Variants in HECTD3 observed in about 807,000 individuals in gnomAD.
HECTD3 encodes E3 ubiquitin-protein ligase HECTD3.
A neutral mutation model predicts 109.3 loss-of-function variants in HECTD3; 72 were observed. The ratio of observed to expected loss-of-function variants is 0.66; its 90% CI spans 0.54 to 0.80. The LOEUF is 0.80. Among genes scored for constraint, HECTD3 ranks in the 30% least tolerant of loss-of-function variants. HECTD3 has a pLI of 0.00. For missense variants in HECTD3, 1,041 were observed against 1,165.2 expected (o/e 0.89, Z 1.55); for synonymous variants, 481 against 471.8 (o/e 1.02, Z -0.25).
At chr1:45,005,066 GGA>G in intron 15 of HECTD3, 1 of 557,046 alleles carries the variant, frequency 1.8e-6, no homozygotes, top group Admixed American at 3.1e-5. Context: ...AGGGAAGTTA[GGA>G]GAGAGAACAT....
Position 45,006,827 on chromosome 1 carries a change from CAA to C in HECTD3, c.1622-34_1622-33del. 2 of 1,596,234 alleles carry C rather than the reference CAA, an allele frequency of 1.3e-6. No individual in the cohort carries two copies. Among genetic ancestry groups the C allele is most frequent in the Non-Finnish European group, 8.6e-7 (1 of 1,165,628 alleles). On this transcript the variant is annotated intron_variant, in intron 12 of 20. Transcript: ENST00000372172. The surrounding 1 kb of genome is among the most constrained non-coding windows in gnomAD (Gnocchi z 4.7). ...TGACAGATGCCCTCAGCTGGGCACT[CAA>C]GAGCCCAGCTCCCATAATGGGGTAA...
intron 16 of HECTD3, 64 bp downstream of exon 16, chr1:45,004,536 G>T: frequency 6.3e-7 from 1 of 1,599,784 alleles, no homozygotes; most frequent in East Asian, 2.2e-5. Context: ...CTGTGTTCTG[G>T]GTCCCAGGAG....
chr1:45,008,448 A>G (rs1206838312), intron 8 of HECTD3, 88 bp downstream of exon 8: 4 of 1,519,392 alleles, frequency 2.6e-6, no homozygotes, highest in Non-Finnish European at 3.7e-6. Context: ...AGCTTATACT[A>G]TGAGACCTTG....
At position 45,003,368 on chromosome 1, in the gene HECTD3, G is replaced by A; in HGVS notation, c.*124C>T. 1.2e-6 allele frequency: 1 copy of A among 803,608 alleles called. No homozygotes were observed. The highest frequency in any genetic ancestry group is 2.1e-5 in the Admixed American group (1 of 48,568). 49.8% of individuals were successfully genotyped at this position (803,608 alleles called of 1,614,324 possible). On this transcript the variant is annotated 3_prime_UTR_variant, in exon 21 of 21. Transcript: ENST00000372172. The surrounding 1 kb of genome is among the most constrained non-coding windows in gnomAD (Gnocchi z 4.7). Reference sequence around the variant, plus strand: ...CTGCCCCTACCCCAACTGCACACAGGAGCAGGGCACATGGGGTTTTGCTGA... The same window carrying A: ...CTGCCCCTACCCCAACTGCACACAGAAGCAGGGCACATGGGGTTTTGCTGA...
rs776439380 is a variant in HECTD3 at position 45,010,618 on chromosome 1, A to T, written c.458T>A (p.Val153Glu). The change falls in exon 2 of 21, where the codon GTA becomes GAA. Residue 153 changes from valine (V) to glutamate (E), a missense_variant. This residue lies in a region of HECTD3 where 472 missense variants were observed against 449.9 expected (regional missense o/e 1.05). Transcript: ENST00000372172. ...GAGGTGGTTGGGAGTGTCGATGGGT[A>T]CCAGGCGGGCTCCGCCCTCCGCCGG... ...CRPAEGGARL[V>E]PIDTPNHLQR... 6.2e-7 allele frequency: 1 copy of T among 1,612,088 alleles called. No homozygotes were observed. The highest frequency in any genetic ancestry group is 1.1e-5 in the South Asian group (1 of 90,954).
Position 45,007,580 on chromosome 1 carries a change from G to A in HECTD3, c.1336C>T (p.Leu446=), listed in dbSNP as rs375159771. Residue 446 remains leucine (L), a synonymous_variant, in exon 10 of 21, where the codon CTA becomes TTA. Transcript: ENST00000372172. ...CCTGGCCGCTGGCGGGACAGCAGTA[G>A]GAACTGCTTCACTTGCTAGTGAGGA... ...FSEIKQVKQF[L]LLSRQRPGLV... The A allele has an allele frequency of 6.8e-6, 11 of 1,610,618 alleles. No homozygotes were observed. Among genetic ancestry groups the A allele is most frequent in the South Asian group, 2.2e-5 (2 of 91,082 alleles).
intron 10 of HECTD3, 58 bp downstream of exon 10, chr1:45,007,355 C>T (rs1644745323): frequency 5.0e-6 from 8 of 1,606,552 alleles, no homozygotes; most frequent in Non-Finnish European, 6.8e-6. Flanking sequence ...TCCCTCTTGG[C>T]CTAGCCCCCT....
intron 4 of HECTD3, 46 bp from the exon 5 acceptor site, chr1:45,009,729 T>C: frequency 7.0e-7 from 1 of 1,433,168 alleles, no homozygotes; most frequent in Non-Finnish European, 9.8e-7. Context: ...CCTCCCTCCC[T>C]GCACTGGGCT....
intron 11 of HECTD3, 60 bp from the exon 12 acceptor site, chr1:45,007,075 G>A: frequency 6.3e-7 from 1 of 1,596,292 alleles, no homozygotes; most frequent in Non-Finnish European, 8.6e-7. Flanking sequence ...CAATTCATCA[G>A]CTCAGAGACC....
chr1:45,004,545 A>G, intron 16 of HECTD3, 55 bp downstream of exon 16: 1 of 1,603,830 alleles, frequency 6.2e-7, no homozygotes, highest in South Asian at 1.1e-5. Context: ...GGGTCCCAGG[A>G]GCTGGGGCTC....
chr1:45,009,832 G>C (rs1311427580), intron 4 of HECTD3, 149 bp from the exon 5 acceptor site: 3 of 1,088,898 alleles, frequency 2.8e-6, no homozygotes, highest in Non-Finnish European at 2.7e-6. Context: ...GGTATGTAAG[G>C]GGTCCTATAG....
rs1433811961 is a variant in HECTD3 at position 45,006,093 on chromosome 1, C to T, written c.1749G>A (p.Arg583=). 1.9e-6 allele frequency: 3 copies of T among 1,613,954 alleles called. No individual in the cohort carries two copies. The highest frequency in any genetic ancestry group is 2.5e-6 in the Non-Finnish European group (3 of 1,179,964). ...AGGAGGGGTTGGGTACATACATGTC[C>T]CGAGCCTCACCAGTGCCATTGCCCT... ...ANQGNGTGEA[R]DMYVPNPSCR... The change falls in exon 14 of 21, where the codon CGG becomes CGA. Residue 583 remains arginine (R), a synonymous_variant. Coordinates refer to ENST00000372172, the MANE Select transcript of HECTD3 (RefSeq NM_024602.6). This position sits in a 1 kb window ranked among gnomAD's most constrained non-coding sequence, Gnocchi z 4.7.
chr1:45,009,126 T>C lies in HECTD3; in HGVS notation c.1072+18A>G, dbSNP rs139362835. ...CCACGCCGGGCTCTCTTTCCCTCCTTATAGCCTTAAACCTCACCTCGGCAC... is the reference window on the plus strand; with the variant it reads ...CCACGCCGGGCTCTCTTTCCCTCCTCATAGCCTTAAACCTCACCTCGGCAC... On this transcript the variant is annotated intron_variant, in intron 7 of 20. Transcript: ENST00000372172. The C allele has an allele frequency of 2.0e-4, 315 of 1,606,106 alleles. 5 individuals carry two copies. In the East Asian group the frequency reaches 6.9e-3, roughly 35 times the overall value.
chr1:45,009,748 G>A lies in HECTD3; in HGVS notation c.760-65C>T. On this transcript the variant is annotated intron_variant, in intron 4 of 20. Transcript: ENST00000372172. The stretch of plus-strand genomic sequence containing the variant: ...CCTCCCTGCACTGGGCTTGTGCTCT[G>A]GGCCAGGAGCACCAGAGAGAAAGCA... 3.0e-6 allele frequency: 4 copies of A among 1,314,814 alleles called. No homozygotes were observed. In the Admixed American group the frequency reaches 7.2e-5, roughly 24 times the overall value. The allele number at this position is 1,314,814 out of a possible 1,614,324, so 81.4% of individuals were successfully genotyped here. A position where few individuals can be genotyped will look rare whatever the true frequency, so the allele number is the denominator to read the frequency against.
At chr1:45,005,056 A>C in intron 15 of HECTD3, 1 of 567,656 alleles carries the variant, frequency 1.8e-6, no homozygotes. Context: ...CTGGGACATA[A>C]GGGAAGTTAG....
In HECTD3 at chr1:45,007,553, G is replaced by C; in HGVS notation, c.1363C>G (p.Leu455Val). ...GAGTCACGCAGGCACTGAGCCACCAGGCCTGGCCGCTGGCGGGACAGCAGT... is the reference window on the plus strand; with the variant it reads ...GAGTCACGCAGGCACTGAGCCACCACGCCTGGCCGCTGGCGGGACAGCAGT... The part of the protein sequence containing the change: ...FLLLSRQRPG[L>V]VAQCLRDSES... Residue 455 changes from leucine to valine, a missense_variant, in exon 10 of 21, where the codon CTG becomes GTG. Around this residue, in one of 2 missense-constraint regions of HECTD3, gnomAD observed 569 missense variants for 715.3 expected, o/e 0.80. Transcript: ENST00000372172. 1.2e-6 allele frequency: 2 copies of C among 1,613,576 alleles called. No individual in the cohort carries two copies. The highest frequency in any genetic ancestry group is 1.7e-6 in the Non-Finnish European group (2 of 1,180,016).
chr1:45,004,213 T>C (rs1168214680), intron 17 of HECTD3, 35 bp downstream of exon 17: 7 of 1,613,958 alleles, frequency 4.3e-6, no homozygotes, highest in East Asian at 2.2e-5. Context: ...TGCTGTGCTG[T>C]GCTGCCCTGC....
chr1:45,004,332 C>G lies in HECTD3; in HGVS notation c.2188G>C (p.Val730Leu). 1 of 1,614,100 alleles carries G rather than the reference C, an allele frequency of 6.2e-7. No homozygotes were observed. Among genetic ancestry groups the G allele is most frequent in the Non-Finnish European group, 8.5e-7 (1 of 1,179,944 alleles). The change falls in exon 17 of 21, where the codon GTG becomes CTG. Residue 730 changes from valine (V) to leucine (L), a missense_variant. This residue lies in a region of HECTD3 where 569 missense variants were observed against 715.3 expected (regional missense o/e 0.80). Coordinates refer to ENST00000372172, the MANE Select transcript of HECTD3 (RefSeq NM_024602.6). ...AGLLKVVPQA[V>L]LDLLTWQELE... Reference sequence around the variant, plus strand: ...TCTTGCCAGGTCAGCAAGTCCAGCACAGCCTGTGGTACCACCTTCAGCAGA... The same window carrying G: ...TCTTGCCAGGTCAGCAAGTCCAGCAGAGCCTGTGGTACCACCTTCAGCAGA...
At chr1:45,004,898 C>T in intron 15 of HECTD3, 92 bp from the exon 16 acceptor site, 1 of 1,133,710 alleles carries the variant, frequency 8.8e-7, no homozygotes, top group Non-Finnish European at 1.3e-6. Flanking sequence ...GCAGAGACAG[C>T]CAGGCAAGGC....
Sources: allele counts gnomAD v4.1 joint callset, GRCh38; gene constraint gnomAD v4.1.1; regional missense constraint gnomAD v4.1.1; non-coding constraint Gnocchi (gnomAD v3.1); transcripts MANE v1.5; gene names NCBI Gene and HGNC (gene_info 2026-07-23, HGNC 2026-07-21).